Variants in ARMC1 observed in about 807,000 individuals in gnomAD.
ARMC1 encodes armadillo repeat containing 1.
Under a neutral mutation model 31.4 loss-of-function variants are expected in ARMC1, and 16 were observed. The ratio of observed to expected loss-of-function variants is 0.51; its 90% confidence interval spans 0.34 to 0.77. The LOEUF is 0.77. ARMC1 is among the 30% of genes least tolerant of loss of function. The pLI, the probability that ARMC1 is intolerant of heterozygous loss-of-function variation, is 0.01. For missense variants in ARMC1, 259 were observed against 347.5 expected (o/e 0.75, Z 2.02); for synonymous variants, 114 against 118.9 (o/e 0.96, Z 0.27).
At chr8:65,605,689 T>A in intron 4 of ARMC1, 151 bp from the exon 5 acceptor site, 1 of 621,432 alleles carries the variant, frequency 1.6e-6, no homozygotes. Context: ...GGGGAGTGCT[T>A]AGTCAAATTT....
At chr8:65,623,709 T>A (rs910269896) in intron 2 of ARMC1, among the ~76,000 whole-genome samples, 1 of 129,892 alleles carries the variant, frequency 7.7e-6, no homozygotes, top group Admixed American at 7.9e-5. Flanking sequence ...GAAAAAGGCA[T>A]TATATAAGGT....
At chr8:65,614,447 T>G (rs185452767) in intron 3 of ARMC1, among the ~76,000 whole-genome samples, 11 of 152,354 alleles carry the variant, frequency 7.2e-5, no homozygotes, top group African/African-American at 2.4e-4. Flanking sequence ...TTAATTAATT[T>G]AAATTGCCAA....
At position 65,613,302 on chromosome 8, in the gene ARMC1, C is replaced by G; in HGVS notation, c.407G>C (p.Gly136Ala). The G allele has an allele frequency of 6.2e-7, 1 of 1,611,808 alleles. No homozygotes were observed. The highest frequency in any genetic ancestry group is 1.7e-5 in the Admixed American group (1 of 59,552). ...TGTTTTGGCACGTTTGTTTGTAGTT[C>G]CCAGAAAAAATTGAGCTTTCCTTCG... is the stretch of plus-strand genomic sequence containing the variant. ...SRRRKAQFFL[G>A]TTNKRAKTVV... Residue 136 changes from glycine to alanine, a missense_variant, in exon 4 of 7, where the codon GGA (glycine) becomes GCA (alanine). Coordinates refer to ENST00000276569, the MANE Select transcript of ARMC1 (RefSeq NM_018120.6).
At chr8:65,614,132 G>C (rs1317002193) in intron 3 of ARMC1, among the ~76,000 whole-genome samples, 5 of 152,188 alleles carry the variant, frequency 3.3e-5, no homozygotes, top group African/African-American at 9.6e-5. Flanking sequence ...AACCAAATTT[G>C]AAAAGGATCA....
At chr8:65,632,487 C>T (rs1808667109) in intron 1 of ARMC1, among the ~76,000 whole-genome samples, 1 of 152,046 alleles carries the variant, frequency 6.6e-6, no homozygotes, top group Admixed American at 6.6e-5. Flanking sequence ...GTGGGGGGCA[C>T]CTGTAGTCCC....
At chr8:65,614,149 C>T (rs1330525861) in intron 3 of ARMC1, among the ~76,000 whole-genome samples, 3 of 152,160 alleles carry the variant, frequency 2.0e-5, no homozygotes, top group African/African-American at 7.2e-5. Flanking sequence ...ATCATTCATA[C>T]TATCAACTAA....
chr8:65,622,255 G>A lies in ARMC1; in HGVS notation c.275+8C>T. 6.3e-7 allele frequency: 1 copy of A among 1,594,922 alleles called. No individual in the cohort carries two copies. The highest frequency in any genetic ancestry group is 8.6e-7 in the Non-Finnish European group (1 of 1,162,918). On this transcript the variant is annotated splice_region_variant and intron_variant, in intron 3 of 6. Coordinates refer to ENST00000276569, the MANE Select transcript of ARMC1 (RefSeq NM_018120.6). ...ATAAATAAATGAGACACTGTCTATTGTACTTACTTCTGTATAACATTTTGT... is the reference window on the plus strand; with the variant it reads ...ATAAATAAATGAGACACTGTCTATTATACTTACTTCTGTATAACATTTTGT...
chr8:65,606,952 C>T (rs1808017226), intron 4 of ARMC1, among the ~76,000 whole-genome samples: 1 of 152,222 alleles, frequency 6.6e-6, no homozygotes, highest in Non-Finnish European at 1.5e-5. Context: ...CACCAAATCA[C>T]ACTCTCTACA....
rs1465405895 is a variant in ARMC1, at chr8:65,604,447, C to G, written c.796G>C (p.Ala266Pro). The change falls in exon 7 of 7, where the codon GCT becomes CCT. Residue 266 changes from alanine to proline, a missense_variant. Ala to Pro is a conservative substitution (Grantham distance 27). Coordinates refer to ENST00000276569, the MANE Select transcript of ARMC1 (RefSeq NM_018120.6). ...SRVGSHPEGG[A>P]SWLSTAANFL... The stretch of plus-strand genomic sequence containing the variant: ...TTTGCAGCTGTGCTAAGCCAGCTAG[C>G]TCCACCTTCTGGGTGTGAGCCGACC... 3 of 1,614,080 alleles carry G rather than the reference C, an allele frequency of 1.9e-6. No homozygotes were observed. Among genetic ancestry groups the G allele is most frequent in the Non-Finnish European group, 2.5e-6 (3 of 1,180,052 alleles).
chr8:65,612,739 G>A (rs1808168499), intron 4 of ARMC1, among the ~76,000 whole-genome samples: 1 of 151,542 alleles, frequency 6.6e-6, no homozygotes, highest in African/African-American at 2.4e-5. Context: ...GTGCACACTC[G>A]TAATTCCAGC....
At position 65,602,996 on chromosome 8, in the gene ARMC1, C is replaced by T. The variant is rs1490086549; in HGVS notation, c.*1398G>A. 6.6e-6 allele frequency: 1 copy of T among 151,836 alleles called. No homozygotes were observed. The highest frequency in any genetic ancestry group is 1.5e-5 in the Non-Finnish European group (1 of 67,952). 9.4% of individuals were successfully genotyped at this position (151,836 alleles called of 1,614,324 possible). A position where few individuals can be genotyped will look rare whatever the true frequency, so the allele number is the denominator to read the frequency against. ...TTTTACAATGAAAACACAAGGAAAC[C>T]CTTTGAGGTCCAATTTTCACATCAT... is the stretch of plus-strand genomic sequence containing the variant. On this transcript the variant is annotated 3_prime_UTR_variant, in exon 7 of 7. Transcript: ENST00000276569.
chr8:65,624,148 T>C (rs1808461862), intron 2 of ARMC1, among the ~76,000 whole-genome samples: 1 of 151,934 alleles, frequency 6.6e-6, no homozygotes. Context: ...AAAACAAAAA[T>C]GAATCTATAT....
intron 4 of ARMC1, among the ~76,000 whole-genome samples, chr8:65,608,437 G>A (rs1006111844): frequency 2.6e-5 from 4 of 152,034 alleles, no homozygotes; most frequent in African/African-American, 7.3e-5. Context: ...GCTGAGGCAC[G>A]AGAATTACTT....
chr8:65,632,529 C>G (rs1563422908), intron 1 of ARMC1, among the ~76,000 whole-genome samples: 1 of 151,886 alleles, frequency 6.6e-6, no homozygotes. Flanking sequence ...AGGAGAATGG[C>G]GTGAAACCGG....
At chr8:65,606,979 T>C (rs1206071314) in intron 4 of ARMC1, among the ~76,000 whole-genome samples, 1 of 152,262 alleles carries the variant, frequency 6.6e-6, no homozygotes, top group Non-Finnish European at 1.5e-5. Flanking sequence ...GATTTCTGTA[T>C]TGAGACCAAG....
At chr8:65,615,868 G>A (rs549941652) in intron 3 of ARMC1, among the ~76,000 whole-genome samples, 6 of 151,736 alleles carry the variant, frequency 4.0e-5, no homozygotes, top group East Asian at 1.9e-4. Flanking sequence ...GCACTCCAGC[G>A]TGGGCAACAA....
At chr8:65,608,947 C>T (rs1458611501) in intron 4 of ARMC1, among the ~76,000 whole-genome samples, 1 of 152,050 alleles carries the variant, frequency 6.6e-6, no homozygotes, top group Non-Finnish European at 1.5e-5. Flanking sequence ...ATACATCTCT[C>T]TGTGCTGTCA....
chr8:65,612,755 G>A (rs1004070365), intron 4 of ARMC1, among the ~76,000 whole-genome samples: 1 of 151,724 alleles, frequency 6.6e-6, no homozygotes, highest in Non-Finnish European at 1.5e-5. Flanking sequence ...CCAGCTACTC[G>A]GGAGGCTGAG....
At chr8:65,607,989 C>T (rs981628456) in intron 4 of ARMC1, among the ~76,000 whole-genome samples, 1 of 152,092 alleles carries the variant, frequency 6.6e-6, no homozygotes, top group Admixed American at 6.6e-5. Context: ...AGTAAAACTA[C>T]TTTTCTCCTT....
Sources: gnomAD v4.1 joint callset for allele counts (sites outside exome capture counted in the v4.1 genomes callset) on GRCh38, gnomAD v4.1.1 for gene constraint, MANE v1.5 for transcripts, NCBI Gene and HGNC (gene_info 2026-07-23, HGNC 2026-07-21) for gene names.